The following LAMA2 variants were observed in gnomAD, a reference collection of about 807,000 sequenced individuals.
LAMA2 encodes laminin subunit alpha 2.
In LAMA2, 269 loss-of-function variants were observed where a neutral mutation model predicts 364.8. The observed-to-expected ratio is 0.74, with a 90% confidence interval of 0.67 to 0.82. The LOEUF is 0.82. LAMA2 is among the 40% of genes least tolerant of loss of function. The probability of loss-of-function intolerance (pLI) is 0.00; values close to 1 mark genes in which losing one functional copy is unlikely to be tolerated. For synonymous variants in LAMA2, 1,379 were observed against 1,370.6 expected, an observed-to-expected ratio of 1.01 and a Z score of -0.14; for missense variants, 3,807 against 3,873.2, an observed-to-expected ratio of 0.98 and a Z score of 0.45.
chr6:129,309,193 A>T (rs997496352), intron 22 of LAMA2, among the ~76,000 whole-genome samples: 5 of 152,200 alleles, frequency 3.3e-5, no homozygotes, highest in Admixed American at 3.3e-4. Flanking sequence ...GAGCATACAC[A>T]TCATTTGGGC....
At chr6:129,148,565 A>G (rs926995323) in intron 6 of LAMA2, among the ~76,000 whole-genome samples, 2 of 152,166 alleles carry the variant, frequency 1.3e-5, no homozygotes, top group South Asian at 2.1e-4. Flanking sequence ...TTTCTGGTTT[A>G]CCTGCACCCC....
chr6:129,429,542 T>C (rs541790550), intron 41 of LAMA2, among the ~76,000 whole-genome samples: 77 of 152,312 alleles, frequency 5.1e-4, no homozygotes, highest in Non-Finnish European at 1.0e-3. Flanking sequence ...AAAATTTTAA[T>C]AGTACAATTC....
At chr6:129,401,150 A>C in intron 37 of LAMA2, 74 bp from the exon 38 acceptor site, 1 of 934,860 alleles carries the variant, frequency 1.1e-6, no homozygotes, top group Non-Finnish European at 1.8e-6. Context: ...CAAACAGCTC[A>C]GGAAAGTCAG....
At chr6:129,028,156 A>C (rs1354031432) in intron 1 of LAMA2, among the ~76,000 whole-genome samples, 2 of 151,928 alleles carry the variant, frequency 1.3e-5, no homozygotes, top group Non-Finnish European at 2.9e-5. Flanking sequence ...GCTAAAAGAG[A>C]AGAATTTGTG....
chr6:129,446,690 C>A (rs1315188696), intron 45 of LAMA2, among the ~76,000 whole-genome samples: 2 of 151,790 alleles, frequency 1.3e-5, no homozygotes, highest in East Asian at 1.9e-4. Flanking sequence ...GTTTTTTGAA[C>A]AACTTTGGAA....
At chr6:129,240,816 C>T (rs1785349674) in intron 12 of LAMA2, among the ~76,000 whole-genome samples, 1 of 152,136 alleles carries the variant, frequency 6.6e-6, no homozygotes, top group Admixed American at 6.5e-5. Context: ...ACACTATTAT[C>T]CTAATATACA....
In LAMA2 at chr6:129,200,345, T is replaced by TATATATAC. The variant is rs1562324560; in HGVS notation, c.1782+7492_1782+7493insATATATAC. ...GTACACATATACATATACACGTATA[T>TATATATAC]GTGTACACATATACATATACACGTG... On this transcript the variant is annotated intron_variant, in intron 12 of 64. Coordinates refer to ENST00000421865, the MANE Select transcript of LAMA2 (RefSeq NM_000426.4). 6.9e-3 allele frequency among the ~76,000 whole-genome samples: 853 copies of TATATATAC among 124,438 alleles called. 108 individuals are homozygous for TATATATAC. Among genetic ancestry groups the TATATATAC allele is most frequent in the Non-Finnish European group, 1.0e-2 (530 of 53,202 alleles). 81.6% of individuals were successfully genotyped at this position (124,438 alleles called of 152,430 possible).
chr6:129,036,715 G>A (rs1208402477), intron 1 of LAMA2, among the ~76,000 whole-genome samples: 1 of 151,730 alleles, frequency 6.6e-6, no homozygotes, highest in Non-Finnish European at 1.5e-5. Context: ...AAGCTGAAAA[G>A]GGCAGATCTA....
At chr6:129,332,682 ATTCT>A (rs1237347436) in intron 29 of LAMA2, among the ~76,000 whole-genome samples, 13 of 152,154 alleles carry the variant, frequency 8.5e-5, no homozygotes, top group Admixed American at 6.5e-5. Flanking sequence ...TCATATAAAA[ATTCT>A]TTCTATGTAT....
chr6:128,932,444 C>A (rs938519599), intron 1 of LAMA2, among the ~76,000 whole-genome samples: 2 of 152,074 alleles, frequency 1.3e-5, no homozygotes, highest in African/African-American at 4.8e-5. Flanking sequence ...ATAATTCCAG[C>A]CTGAAGAGTT....
Position 129,270,605 on chromosome 6 carries a change from A to G in LAMA2, c.2323-19A>G. 4 of 1,612,534 alleles carry G rather than the reference A, an allele frequency of 2.5e-6. No individual in the cohort carries two copies. The highest frequency in any genetic ancestry group is 3.4e-6 in the Non-Finnish European group (4 of 1,178,978). ...CCTGACACCAAAATAATAAACTCTG[A>G]TGCTCATTTCTTTCTCAGAACTGTA... is the stretch of plus-strand genomic sequence containing the variant. On this transcript the variant is annotated intron_variant, in intron 16 of 64. Coordinates refer to ENST00000421865, the MANE Select transcript of LAMA2 (RefSeq NM_000426.4).
At chr6:129,125,559 A>G (rs977270319) in intron 4 of LAMA2, among the ~76,000 whole-genome samples, 17 of 152,280 alleles carry the variant, frequency 1.1e-4, no homozygotes, top group Non-Finnish European at 2.4e-4. Context: ...AACGTTACAT[A>G]TTCTCTTTGT....
At chr6:129,013,901 A>G (rs775535120) in intron 1 of LAMA2, among the ~76,000 whole-genome samples, 2 of 152,182 alleles carry the variant, frequency 1.3e-5, no homozygotes, top group Non-Finnish European at 2.9e-5. Flanking sequence ...GATAGGTTTC[A>G]TGAAAATGGG....
intron 30 of LAMA2, among the ~76,000 whole-genome samples, chr6:129,346,866 G>A (rs1384072403): frequency 1.3e-5 from 2 of 152,126 alleles, no homozygotes; most frequent in Non-Finnish European, 2.9e-5. Context: ...TTTAGATGAG[G>A]TGGTCCATGA....
At chr6:129,160,737 C>G (rs906431410) in intron 8 of LAMA2, among the ~76,000 whole-genome samples, 1 of 151,800 alleles carries the variant, frequency 6.6e-6, no homozygotes, top group Non-Finnish European at 1.5e-5. Flanking sequence ...AGCTGTTTCT[C>G]ATGAATTCAG....
Position 129,090,674 on chromosome 6 carries a change from A to T in LAMA2, c.397-7499A>T, listed in dbSNP as rs189046791. Among the ~76,000 whole-genome samples the T allele has an allele frequency of 6.9e-3, 1,045 of 152,286 alleles. 24 individuals carry two copies. The highest frequency in any genetic ancestry group is 3.9e-3 in the Non-Finnish European group (266 of 68,020). ...ACTGTTTGCATATTTCTCTACTACT[A>T]TATTTCCTGAAAACTGATAGATAAA... On this transcript the variant is annotated intron_variant, in intron 3 of 64. Coordinates refer to ENST00000421865, the MANE Select transcript of LAMA2 (RefSeq NM_000426.4).
At chr6:129,240,266 C>T (rs1185168709) in intron 12 of LAMA2, among the ~76,000 whole-genome samples, 2 of 152,178 alleles carry the variant, frequency 1.3e-5, no homozygotes, top group Non-Finnish European at 2.9e-5. Context: ...CTGTCTTTCC[C>T]AGCCCTCTGA....
chr6:128,955,064 T>A (rs963868286), intron 1 of LAMA2, among the ~76,000 whole-genome samples: 2 of 151,822 alleles, frequency 1.3e-5, no homozygotes, highest in South Asian at 2.1e-4. Flanking sequence ...GCATTTTTTT[T>A]ATCCATAGTA....
chr6:129,384,656 T>C (rs1271438920), intron 35 of LAMA2, among the ~76,000 whole-genome samples: 2 of 152,102 alleles, frequency 1.3e-5, no homozygotes, highest in African/African-American at 2.4e-5. Context: ...GTACTATTTG[T>C]ACAATTTGTG....
Sources: gnomAD v4.1 joint callset for allele counts (sites outside exome capture counted in the v4.1 genomes callset) on GRCh38, gnomAD v4.1.1 for gene constraint, MANE v1.5 for transcripts, NCBI Gene and HGNC (gene_info 2026-07-23, HGNC 2026-07-21) for gene names.